The following SEC31A variants were observed in gnomAD, a reference collection of about 807,000 sequenced individuals.
SEC31A encodes SEC31 homolog A, COPII component, also known as protein transport protein Sec31A.
Under a neutral mutation model 151.0 loss-of-function variants are expected in SEC31A, and 70 were observed. The observed-to-expected ratio is 0.46, with a 90% CI of 0.38 to 0.57. The LOEUF (loss-of-function observed/expected upper bound fraction) is 0.57, where lower values mean the gene tolerates loss of function less well. Ranked by LOEUF, SEC31A falls within the 20% of genes least tolerant of loss-of-function variation. SEC31A has a pLI of 0.00. For synonymous variants in SEC31A, 475 were observed against 505.9 expected (o/e 0.94, Z 0.82); for missense variants, 1,330 against 1,471.2 (o/e 0.90, Z 1.57).
At chr4:82,863,517 C>T in intron 11 of SEC31A, 125 bp from the exon 12 acceptor site, 1 of 580,308 alleles carries the variant, frequency 1.7e-6, no homozygotes, top group South Asian at 2.6e-5. Context: ...TAAAGATTCA[C>T]TGTTTGAAGG....
Position 82,856,973 on chromosome 4 carries a change from T to G in SEC31A, c.1860A>C (p.Lys620Asn). The G allele has an allele frequency of 1.9e-6, 3 of 1,607,474 alleles. No individual in the cohort carries two copies. The highest frequency in any genetic ancestry group is 2.5e-6 in the Non-Finnish European group (3 of 1,178,318). Residue 620 changes from lysine (K) to asparagine (N), a missense_variant, in exon 16 of 27, where the codon AAA becomes AAC. Coordinates refer to ENST00000395310, the MANE Select transcript of SEC31A (RefSeq NM_001077207.4). ...LARTQKKYFA[K>N]SQSKITRLIT... ...ATACCCTGGTAATTTTGCTTTGGGATTTTGCGAAGTATTTTTTCTGGGTTC... is the reference window on the plus strand; with the variant it reads ...ATACCCTGGTAATTTTGCTTTGGGAGTTTGCGAAGTATTTTTTCTGGGTTC...
chr4:82,870,482 C>G (rs1204242572), intron 7 of SEC31A, 58 bp from the exon 8 acceptor site: 7 of 1,300,872 alleles, frequency 5.4e-6, no homozygotes, highest in Non-Finnish European at 7.7e-6. Context: ...CAAATCTCAA[C>G]TATTTCTGCC....
chr4:82,860,649 T>TA (rs1479609183), intron 14 of SEC31A, among the ~76,000 whole-genome samples: 2 of 151,558 alleles, frequency 1.3e-5, no homozygotes, highest in Admixed American at 6.6e-5. Flanking sequence ...ATTTTTTATT[T>TA]TTTTTTTTAG....
upstream of SEC31A, chr4:82,894,433 C>T (rs1446010225): frequency 1.3e-5 from 2 of 152,134 alleles, no homozygotes. Context: ...GGTTTTGGTA[C>T]CTATCAGGTA....
In SEC31A at chr4:82,862,612, T is replaced by C. The variant is rs778730452; in HGVS notation, c.1510-40A>G. The C allele has an allele frequency of 1.2e-5, 19 of 1,569,832 alleles. 1 individual carries two copies. In the East Asian group the frequency reaches 4.0e-4, roughly 33 times the overall value. ...ACAGCTCACCTACTACATGGAATTC[T>C]ATTTCAGAGCATCCAGCAAATGTTC... On this transcript the variant is annotated intron_variant, in intron 12 of 26. Coordinates refer to ENST00000395310, the MANE Select transcript of SEC31A (RefSeq NM_001077207.4).
At position 82,890,985 on chromosome 4, in the gene SEC31A, TGC is replaced by T; in HGVS notation, c.-5+101_-5+102del. 3.3e-6 allele frequency: 5 copies of T among 1,502,802 alleles called. No homozygotes were observed. The South Asian group carries it at 6.2e-5, about 19-fold the overall frequency. 93.1% of individuals were successfully genotyped at this position (1,502,802 alleles called of 1,614,324 possible). A position where few individuals can be genotyped will look rare whatever the true frequency, so the allele number is the denominator to read the frequency against. On this transcript the variant is annotated intron_variant, in intron 1 of 26. Transcript: ENST00000395310. ...CACCAGAGACCGGGCCTCAGGCTGG[TGC>T]GGGGCAGCGGAGACCCAGGCTGCGG...
At chr4:82,835,244 A>C (rs1024224398) in intron 22 of SEC31A, among the ~76,000 whole-genome samples, 4 of 152,212 alleles carry the variant, frequency 2.6e-5, no homozygotes, top group African/African-American at 9.6e-5. Flanking sequence ...GAAGAACATG[A>C]ATATCTACAG....
At chr4:82,876,423 A>G (rs1236676749) in intron 4 of SEC31A, among the ~76,000 whole-genome samples, 1 of 152,178 alleles carries the variant, frequency 6.6e-6, no homozygotes, top group East Asian at 1.9e-4. Flanking sequence ...TAAATTCTTA[A>G]TCAGTCATGC....
rs556551426 is a variant in SEC31A at position 82,827,679 on chromosome 4, G to A, written c.3028-47C>T. On this transcript the variant is annotated intron_variant, in intron 23 of 26. Coordinates refer to ENST00000395310, the MANE Select transcript of SEC31A (RefSeq NM_001077207.4). Reference sequence around the variant, plus strand: ...AGACACCAGGAGTAAGAATAAAAACGATAGCAACATTTCTTCAGCTTAAAA... The same window carrying A: ...AGACACCAGGAGTAAGAATAAAAACAATAGCAACATTTCTTCAGCTTAAAA... 1.7e-5 allele frequency: 27 copies of A among 1,580,610 alleles called. No individual in the cohort carries two copies. The South Asian group carries it at 2.2e-4, about 13-fold the overall frequency.
At position 82,857,633 on chromosome 4, in the gene SEC31A, CTATT is replaced by C. The variant is rs2149428063; in HGVS notation, c.1702+52_1702+55del. The C allele has an allele frequency of 1.2e-5, 13 of 1,103,238 alleles. No individual in the cohort carries two copies. The South Asian group carries it at 1.6e-4, about 14-fold the overall frequency. The allele number at this position is 1,103,238 out of a possible 1,614,324, so 68.3% of individuals were successfully genotyped here. On this transcript the variant is annotated intron_variant, in intron 15 of 26. Coordinates refer to ENST00000395310, the MANE Select transcript of SEC31A (RefSeq NM_001077207.4). The stretch of plus-strand genomic sequence containing the variant: ...AAGCATTTTAACTTAAATGCAGGAA[CTATT>C]TGTTTTCCAATGGTTAAAAAAAATT...
At chr4:82,838,469 A>G (rs755350775) in intron 22 of SEC31A, among the ~76,000 whole-genome samples, 8 of 152,166 alleles carry the variant, frequency 5.3e-5, no homozygotes, top group Non-Finnish European at 8.8e-5. Context: ...TAGAACTAGG[A>G]AAGAGCCTGT....
In SEC31A at chr4:82,829,081, T is replaced by G. The variant is rs764043916; in HGVS notation, c.2969-23A>C. The stretch of plus-strand genomic sequence containing the variant: ...GACCTATAACAGATAACAGAGAATG[T>G]TTTCCTTTAGAATCCTGAAAGGAAA... On this transcript the variant is annotated intron_variant, in intron 22 of 26. Coordinates refer to ENST00000395310, the MANE Select transcript of SEC31A (RefSeq NM_001077207.4). 10 of 1,597,658 alleles carry G rather than the reference T, an allele frequency of 6.3e-6. No homozygotes were observed. The East Asian group carries it at 2.0e-4, about 32-fold the overall frequency.
intron 14 of SEC31A, among the ~76,000 whole-genome samples, chr4:82,858,888 A>C (rs1733411203): frequency 6.6e-6 from 1 of 151,640 alleles, no homozygotes; most frequent in African/African-American, 2.4e-5. Context: ...TTTTTAGTAG[A>C]GACGGGGTTT....
At chr4:82,887,722 A>C (rs1338399318) in intron 1 of SEC31A, among the ~76,000 whole-genome samples, 5 of 152,236 alleles carry the variant, frequency 3.3e-5, no homozygotes, top group Non-Finnish European at 7.3e-5. Context: ...CAGTTATTAC[A>C]AACATCACTA....
chr4:82,862,713 A>C, intron 12 of SEC31A, 141 bp from the exon 13 acceptor site: 1 of 656,206 alleles, frequency 1.5e-6, no homozygotes, highest in Non-Finnish European at 2.7e-6. Context: ...TAAAAAAGCT[A>C]TGCAGAACTG....
At chr4:82,874,835 A>T (rs1369311185) in intron 5 of SEC31A, 84 bp from the exon 6 acceptor site, 1 of 1,492,870 alleles carries the variant, frequency 6.7e-7, no homozygotes, top group Non-Finnish European at 9.0e-7. Flanking sequence ...CTTCATTTTG[A>T]AAAGTGTATT....
intron 18 of SEC31A, among the ~76,000 whole-genome samples, chr4:82,851,904 G>A (rs1295940759): frequency 2.0e-5 from 3 of 152,182 alleles, no homozygotes; most frequent in Non-Finnish European, 4.4e-5. Context: ...GAAAATGATA[G>A]GCAGATGTCT....
At chr4:82,892,365 T>C (rs1719852761), upstream of SEC31A, among the ~76,000 whole-genome samples, 1 of 152,240 alleles carries the variant, frequency 6.6e-6, no homozygotes, top group Admixed American at 6.5e-5. Flanking sequence ...CTGAAAGACG[T>C]TGAAGCAACT....
upstream of SEC31A, among the ~76,000 whole-genome samples, chr4:82,892,061 C>T (rs556677237): frequency 6.6e-6 from 1 of 152,324 alleles, no homozygotes; most frequent in African/African-American, 2.4e-5. Flanking sequence ...GTTAACATTC[C>T]CACAGTCAGC....
Sources: allele counts gnomAD v4.1 joint callset (sites outside exome capture counted in the v4.1 genomes callset), GRCh38; gene constraint gnomAD v4.1.1; transcripts MANE v1.5; gene names NCBI Gene and HGNC (gene_info 2026-07-23, HGNC 2026-07-21).